Variants in KIF13B observed in about 807,000 individuals in gnomAD.
KIF13B encodes kinesin-like protein KIF13B.
KIF13B carries 127 observed loss-of-function variants against 222.0 expected under a neutral mutation model. The ratio of observed to expected loss-of-function variants is 0.57; its 90% CI spans 0.50 to 0.66. The LOEUF is 0.66. KIF13B is among the 30% of genes least tolerant of loss of function. The pLI is 0.00. For missense variants in KIF13B, 2,173 were observed against 2,379.0 expected (o/e 0.91, Z 1.80); for synonymous variants, 976 against 919.0 (o/e 1.06, Z -1.12).
chr8:29,073,934 G>A (rs1807433387), intron 38 of KIF13B, among the ~76,000 whole-genome samples: 3 of 152,184 alleles, frequency 2.0e-5, no homozygotes, highest in Admixed American at 2.0e-4. Context: ...TACTCTAAAA[G>A]ATTAGGCAAT....
rs569630681 is a variant in KIF13B, at chr8:29,073,522, C to G, written c.4522-1206G>C. Among the ~76,000 whole-genome samples the G allele has an allele frequency of 3.3e-5, 5 of 152,102 alleles. No homozygotes were observed. In the South Asian group the frequency reaches 1.0e-3, roughly 32 times the overall value. ...TCTTTCTATTCCTATTCACAGTGAC[C>G]GAAGAAAAGGAGAAGGCAGGAACAG... On this transcript the variant is annotated intron_variant, in intron 38 of 39. Coordinates refer to ENST00000524189, the MANE Select transcript of KIF13B (RefSeq NM_015254.4).
At chr8:29,238,933 G>A (rs1377778053) in intron 2 of KIF13B, among the ~76,000 whole-genome samples, 5 of 152,148 alleles carry the variant, frequency 3.3e-5, no homozygotes, top group African/African-American at 1.2e-4. Flanking sequence ...AGCTACTCAG[G>A]AGGCTGAGAT....
rs376444669 is a variant in KIF13B, at chr8:29,167,517, A to C, written c.1014T>G (p.Asp338Glu). Residue 338 changes from aspartate to glutamate, a missense_variant, in exon 11 of 40, where the codon GAT becomes GAG. Physicochemically the swap from Asp to Glu is conservative, Grantham distance 45. Transcript: ENST00000524189. ...CATACCGCAGAGTTGAGAGGGTTTC[A>C]TCATAGTTATCAGCTGCAGGACTCA... ...ATVSPAADNY[D>E]ETLSTLRYAD... 1.8e-5 allele frequency: 29 copies of C among 1,613,932 alleles called. No individual in the cohort carries two copies. The Middle Eastern group carries it at 8.2e-4, about 46-fold the overall frequency.
chr8:29,220,242 T>C (rs1814682046), intron 2 of KIF13B, among the ~76,000 whole-genome samples: 1 of 152,198 alleles, frequency 6.6e-6, no homozygotes, highest in Admixed American at 6.5e-5. Context: ...GTATAGTTAA[T>C]GTACTACCCA....
intron 2 of KIF13B, among the ~76,000 whole-genome samples, chr8:29,204,926 T>C (rs112027195): frequency 0.032 from 4,919 of 152,340 alleles, 106 homozygotes; most frequent in Non-Finnish European, 0.048. Flanking sequence ...CTTGATTAGA[T>C]TGATCTGGGG....
At chr8:29,198,328 GT>G (rs11450963) in intron 2 of KIF13B, among the ~76,000 whole-genome samples, 1 of 150,396 alleles carries the variant, frequency 6.6e-6, no homozygotes, top group East Asian at 2.0e-4. Flanking sequence ...TTTGTTTTTT[GT>G]TTTTTTTTGA....
intron 37 of KIF13B, among the ~76,000 whole-genome samples, chr8:29,076,796 A>G (rs764074960): frequency 8.5e-5 from 13 of 152,204 alleles, no homozygotes; most frequent in Non-Finnish European, 1.6e-4. Context: ...GAGGAAACGC[A>G]GCGATCAGGC....
At position 29,142,241 on chromosome 8, in the gene KIF13B, A is replaced by G; in HGVS notation, c.2250T>C (p.Ile750=). Residue 750 remains isoleucine (I), a synonymous_variant, in exon 19 of 40, where the codon ATT becomes ATC. Transcript: ENST00000524189. ...TGTTGTCCAGTTTTTCCAAAGACCA[A>G]ATCTGCTTTCCTTTTCCTTTTCTTC... ...QVRRKGKGKQ[I]WSLEKLDNRL... The G allele has an allele frequency of 6.2e-7, 1 of 1,613,806 alleles. No individual in the cohort carries two copies. Among genetic ancestry groups the G allele is most frequent in the Non-Finnish European group, 8.5e-7 (1 of 1,179,760 alleles).
At chr8:29,223,017 T>C (rs1191549470) in intron 2 of KIF13B, among the ~76,000 whole-genome samples, 1 of 151,994 alleles carries the variant, frequency 6.6e-6, no homozygotes, top group Non-Finnish European at 1.5e-5. Flanking sequence ...ATTTTATATA[T>C]ATACATATAA....
chr8:29,092,954 C>T, intron 36 of KIF13B, 76 bp from the exon 37 acceptor site: 2 of 1,295,842 alleles, frequency 1.5e-6, no homozygotes, highest in Non-Finnish European at 2.1e-6. Flanking sequence ...ATTTGACAGA[C>T]ATCACTTGTC....
intron 12 of KIF13B, among the ~76,000 whole-genome samples, chr8:29,164,488 T>C (rs1375435640): frequency 1.3e-5 from 2 of 152,206 alleles, no homozygotes; most frequent in Non-Finnish European, 2.9e-5. Flanking sequence ...TAAAAGTGCT[T>C]AGCATAGGGC....
chr8:29,186,378 CTCTT>C lies in KIF13B; in HGVS notation c.407_410del (p.Lys136ArgfsTer10), dbSNP rs1345636097. ...CTTTAAAACTCTGTTCTTCATTTTC[CTCTT>C]TCTGAGTTCGTTCAAAGAGTCCACT... On this transcript the variant is annotated frameshift_variant, in exon 6 of 40. Coordinates refer to ENST00000524189, the MANE Select transcript of KIF13B (RefSeq NM_015254.4). LOFTEE classifies it high-confidence loss of function. The C allele has an allele frequency of 1.2e-6, 2 of 1,613,812 alleles. No homozygotes were observed. Among genetic ancestry groups the C allele is most frequent in the Non-Finnish European group, 1.7e-6 (2 of 1,179,756 alleles).
intron 36 of KIF13B, among the ~76,000 whole-genome samples, chr8:29,097,900 G>A (rs373698372): frequency 1.2e-4 from 18 of 152,024 alleles, no homozygotes; most frequent in African/African-American, 4.3e-4. Context: ...GGCCAGGTGC[G>A]ATGGCTCATG....
chr8:29,186,231 A>G (rs1046391554), intron 6 of KIF13B, 61 bp downstream of exon 6: 62 of 1,341,080 alleles, frequency 4.6e-5, no homozygotes, highest in Non-Finnish European at 5.9e-5. Context: ...TTTGCACTTA[A>G]GCCAATTTAA....
intron 3 of KIF13B, among the ~76,000 whole-genome samples, chr8:29,195,672 G>A (rs982949275): frequency 1.3e-5 from 2 of 152,194 alleles, no homozygotes; most frequent in African/African-American, 4.8e-5. Flanking sequence ...AGACAGAGGT[G>A]AAAGCATGTT....
At chr8:29,249,904 A>G (rs920094603) in intron 1 of KIF13B, 14 of 552,956 alleles carry the variant, frequency 2.5e-5, no homozygotes, top group Non-Finnish European at 3.9e-5. Flanking sequence ...TTTTGTCTTT[A>G]AATCTGCTCT....
At chr8:29,212,182 T>A (rs929002345) in intron 2 of KIF13B, among the ~76,000 whole-genome samples, 1 of 152,238 alleles carries the variant, frequency 6.6e-6, no homozygotes, top group Non-Finnish European at 1.5e-5. Context: ...TTTTTATTTA[T>A]CCTGAATAGA....
At chr8:29,213,509 C>T (rs1814325647) in intron 2 of KIF13B, among the ~76,000 whole-genome samples, 1 of 152,186 alleles carries the variant, frequency 6.6e-6, no homozygotes, top group Admixed American at 6.5e-5. Flanking sequence ...TGTGCAAGCA[C>T]CATAGAATGT....
At chr8:29,098,749 A>C (rs2133570498) in intron 36 of KIF13B, among the ~76,000 whole-genome samples, 1 of 152,326 alleles carries the variant, frequency 6.6e-6, no homozygotes, top group East Asian at 1.9e-4. Flanking sequence ...CCAGAAAAAA[A>C]AAATGAGGAG....
Sources: gnomAD v4.1 joint callset for allele counts (sites outside exome capture counted in the v4.1 genomes callset) on GRCh38, gnomAD v4.1.1 for gene constraint, MANE v1.5 for transcripts, NCBI Gene and HGNC (gene_info 2026-07-23, HGNC 2026-07-21) for gene names.